Variants in FRAS1 observed in about 807,000 individuals in gnomAD.
The protein encoded by FRAS1 is Fraser extracellular matrix complex subunit 1.
Under a neutral mutation model 435.2 loss-of-function variants are expected in FRAS1, and 290 were observed. The observed-to-expected ratio is 0.67, with a 90% confidence interval of 0.61 to 0.73. The LOEUF is 0.73. FRAS1 is among the 30% of genes least tolerant of loss of function. FRAS1 has a pLI of 0.00. For missense variants in FRAS1, 4,860 were observed against 5,001.5 expected (o/e 0.97, Z 0.85); for synonymous variants, 1,800 against 1,851.0 (o/e 0.97, Z 0.71).
At chr4:78,409,417 G>A (rs1002776866) in intron 31 of FRAS1, among the ~76,000 whole-genome samples, 3 of 151,998 alleles carry the variant, frequency 2.0e-5, no homozygotes, top group East Asian at 1.9e-4. Flanking sequence ...TCTTATTATT[G>A]AGCAAGAAAG....
At chr4:78,312,605 T>G (rs1729071475) in intron 15 of FRAS1, among the ~76,000 whole-genome samples, 1 of 151,774 alleles carries the variant, frequency 6.6e-6, no homozygotes, top group African/African-American at 2.4e-5. Context: ...GGCAAGAGGA[T>G]CTCTTGAGCT....
At chr4:78,337,922 A>G (rs1354098012) in intron 20 of FRAS1, 105 bp downstream of exon 20, 2 of 1,077,248 alleles carry the variant, frequency 1.9e-6, no homozygotes, top group African/African-American at 1.6e-5. Flanking sequence ...GAGCTCTTTT[A>G]TAGGAGACAT....
chr4:78,384,015 G>A (rs922009632), intron 27 of FRAS1, 44 bp from the exon 28 acceptor site: 2 of 1,396,944 alleles, frequency 1.4e-6, no homozygotes, highest in East Asian at 2.3e-5. Flanking sequence ...AAAGTCTAAT[G>A]TAATGATTGT....
intron 4 of FRAS1, among the ~76,000 whole-genome samples, chr4:78,246,480 C>A (rs1028380850): frequency 2.0e-5 from 3 of 152,218 alleles, no homozygotes; most frequent in African/African-American, 7.2e-5. Flanking sequence ...CAAGCAGGAT[C>A]TACACTGAGA....
Position 78,418,996 on chromosome 4 carries a change from C to T in FRAS1, c.4473C>T (p.Phe1491=), listed in dbSNP as rs1733657990. ...LTVIQPHSLS[F]INSEKPSGKI... ...TTATTCAGCCTCATTCCCTCTCCTT[C>T]ATAAACTCTGAGAAGCCAAGTGGAA... The change falls in exon 33 of 74, where the codon TTC becomes TTT. Residue 1491 remains phenylalanine, a synonymous_variant. Transcript: ENST00000512123. The T allele has an allele frequency of 6.2e-7, 1 of 1,603,980 alleles. No homozygotes were observed. The highest frequency in any genetic ancestry group is 8.5e-7 in the Non-Finnish European group (1 of 1,176,472).
intron 9 of FRAS1, among the ~76,000 whole-genome samples, chr4:78,270,797 T>C (rs1726637193): frequency 2.6e-5 from 4 of 152,150 alleles, no homozygotes; most frequent in Admixed American, 1.3e-4. Flanking sequence ...ATGCCTTCAC[T>C]ACCAACTGAT....
chr4:78,203,323 A>G (rs964815814), intron 2 of FRAS1, among the ~76,000 whole-genome samples: 2 of 152,192 alleles, frequency 1.3e-5, no homozygotes, highest in Non-Finnish European at 2.9e-5. Context: ...AAACTGAGGG[A>G]TAAAAGTACA....
intron 2 of FRAS1, among the ~76,000 whole-genome samples, chr4:78,177,156 C>A (rs1721812231): frequency 1.3e-5 from 2 of 150,026 alleles, no homozygotes; most frequent in African/African-American, 4.9e-5. Context: ...GGCGCTATCT[C>A]GGCTCACTGC....
chr4:78,254,256 C>T (rs1725687162), intron 5 of FRAS1, among the ~76,000 whole-genome samples: 1 of 152,210 alleles, frequency 6.6e-6, no homozygotes, highest in Non-Finnish European at 1.5e-5. Flanking sequence ...TAGGCACTCT[C>T]ACAACATGTA....
chr4:78,332,886 C>T (rs2110258355), intron 18 of FRAS1, among the ~76,000 whole-genome samples: 1 of 152,274 alleles, frequency 6.6e-6, no homozygotes, highest in Middle Eastern at 3.4e-3. Flanking sequence ...CAGCTTTTCC[C>T]TTTGATTTGA....
chr4:78,422,851 T>C (rs1733844194), intron 34 of FRAS1, among the ~76,000 whole-genome samples: 1 of 152,118 alleles, frequency 6.6e-6, no homozygotes, highest in African/African-American at 2.4e-5. Flanking sequence ...CCAGTGAGGG[T>C]CCTGCAGTAC....
intron 18 of FRAS1, among the ~76,000 whole-genome samples, chr4:78,326,165 A>G (rs1318361171): frequency 6.6e-6 from 1 of 152,072 alleles, no homozygotes; most frequent in Non-Finnish European, 1.5e-5. Flanking sequence ...CGTCTGGTGG[A>G]TGTGTGGCAG....
rs552374721 is a variant in FRAS1 at position 78,134,545 on chromosome 4, A to G, written c.108+68529A>G. Among the ~76,000 whole-genome samples the G allele has an allele frequency of 1.2e-4, 19 of 152,298 alleles. 2 individuals carry two copies. Among genetic ancestry groups the G allele is most frequent in the African/African-American group, 4.3e-4 (18 of 41,562 alleles). On this transcript the variant is annotated intron_variant, in intron 2 of 73. Transcript: ENST00000512123. ...GTGGAAAGCCTGAGAAACTCAAAAG[A>G]AAATTGCTGTTCTCTTTTCTTTCTC...
chr4:78,376,788 C>G (rs1731783385), intron 26 of FRAS1, among the ~76,000 whole-genome samples: 1 of 151,992 alleles, frequency 6.6e-6, no homozygotes, highest in Admixed American at 6.6e-5. Context: ...GTCAGGAGTT[C>G]AAGACCAGCC....
intron 2 of FRAS1, among the ~76,000 whole-genome samples, chr4:78,120,018 T>G (rs143929308): frequency 6.6e-6 from 1 of 152,240 alleles, no homozygotes; most frequent in African/African-American, 2.4e-5. Flanking sequence ...TATGTCTCTT[T>G]GTTTGCTCCT....
At chr4:78,398,915 G>A (rs545786802) in intron 29 of FRAS1, among the ~76,000 whole-genome samples, 12 of 152,222 alleles carry the variant, frequency 7.9e-5, no homozygotes, top group Middle Eastern at 6.8e-3. Context: ...CCTGAGAGGC[G>A]GAGGTTGTGG....
chr4:78,190,220 C>T (rs957952511), intron 2 of FRAS1, among the ~76,000 whole-genome samples: 3 of 152,194 alleles, frequency 2.0e-5, no homozygotes, highest in East Asian at 1.9e-4. Flanking sequence ...ACAGTACAGC[C>T]GCTGTGACTT....
chr4:78,457,624 A>T (rs1719243030), intron 47 of FRAS1, among the ~76,000 whole-genome samples: 1 of 152,246 alleles, frequency 6.6e-6, no homozygotes. Context: ...TCAGCTATTT[A>T]CTAATCACCG....
intron 42 of FRAS1, 145 bp downstream of exon 42, chr4:78,445,857 G>T (rs1233915517): frequency 1.3e-5 from 18 of 1,385,814 alleles, no homozygotes; most frequent in Non-Finnish European, 1.6e-5. Flanking sequence ...ATAGCCTTCA[G>T]GAATCTTGTA....
Sources: allele counts gnomAD v4.1 joint callset (sites outside exome capture counted in the v4.1 genomes callset), GRCh38; gene constraint gnomAD v4.1.1; transcripts MANE v1.5; gene names NCBI Gene and HGNC (gene_info 2026-07-23, HGNC 2026-07-21).